The following PRMT2 variants were observed in gnomAD, a reference collection of about 807,000 sequenced individuals.
PRMT2 encodes the protein protein arginine methyltransferase 2.
A neutral mutation model predicts 57.6 loss-of-function variants in PRMT2; 26 were observed. That is an observed-to-expected ratio of 0.45 (90% CI 0.33 to 0.63). The LOEUF (loss-of-function observed/expected upper bound fraction) is 0.63, where lower values mean the gene tolerates loss of function less well. Among genes scored for constraint, PRMT2 ranks in the 20% least tolerant of loss-of-function variants. The probability of loss-of-function intolerance (pLI) is 0.02; values close to 1 mark genes in which losing one functional copy is unlikely to be tolerated. For synonymous variants in PRMT2, 219 were observed against 220.0 expected (o/e 1.00, Z 0.04); for missense variants, 472 against 564.4 (o/e 0.84, Z 1.66).
chr21:46,658,603 A>C (rs968544189), intron 7 of PRMT2, 142 bp from the exon 8 acceptor site: 21 of 1,424,702 alleles, frequency 1.5e-5, no homozygotes, highest in Non-Finnish European at 2.0e-5. Context: ...GTTCTCTTGC[A>C]TGGTACACTG....
intron 7 of PRMT2, chr21:46,651,664 G>A (rs1760656637): frequency 1.5e-5 from 14 of 924,580 alleles, no homozygotes; most frequent in Non-Finnish European, 2.1e-5. Context: ...GGCCAAGGAG[G>A]CCCAGAACAG....
intron 4 of PRMT2, 92 bp downstream of exon 4, chr21:46,643,731 T>A: frequency 7.0e-7 from 1 of 1,436,582 alleles, no homozygotes; most frequent in South Asian, 1.4e-5. Context: ...CAAAGTTAAA[T>A]GAAGAGGTAT....
At chr21:46,655,738 A>G (rs958219728) in intron 7 of PRMT2, among the ~76,000 whole-genome samples, 1 of 152,238 alleles carries the variant, frequency 6.6e-6, no homozygotes, top group Non-Finnish European at 1.5e-5. Context: ...AAAATATGAA[A>G]GGCTTAGAAA....
At chr21:46,643,394 G>C in intron 3 of PRMT2, 141 bp from the exon 4 acceptor site, 1 of 1,272,082 alleles carries the variant, frequency 7.9e-7, no homozygotes, top group South Asian at 2.8e-5. Flanking sequence ...TAGTAGTAAA[G>C]ATGATCCAAA....
At chr21:46,643,300 C>T (rs970544865) in intron 3 of PRMT2, 2 of 727,304 alleles carry the variant, frequency 2.7e-6, no homozygotes, top group Admixed American at 4.7e-5. Flanking sequence ...TTTCTGACTT[C>T]TTGCTTTGAT....
At chr21:46,661,594 A>G (rs996592022) in intron 9 of PRMT2, 12 of 410,508 alleles carry the variant, frequency 2.9e-5, no homozygotes, top group African/African-American at 2.1e-4. Flanking sequence ...ATTGGGCGCA[A>G]GAAGCTCAGA....
At position 46,663,425 on chromosome 21, in the gene PRMT2, A is replaced by G; in HGVS notation, c.1140A>G (p.Pro380=). The G allele has an allele frequency of 1.2e-6, 2 of 1,614,168 alleles. No homozygotes were observed. Among genetic ancestry groups the G allele is most frequent in the Non-Finnish European group, 1.7e-6 (2 of 1,180,000 alleles). The change falls in exon 11 of 12, where the codon CCA becomes CCG. Residue 380 remains proline (P), a synonymous_variant. Transcript: ENST00000355680. ...AGACGCTGTTCATGATGGACGACCCAGTCCCTGTCCATACAGGAGACGTGG... is the reference window on the plus strand; with the variant it reads ...AGACGCTGTTCATGATGGACGACCCGGTCCCTGTCCATACAGGAGACGTGG... ...WKQTLFMMDD[P]VPVHTGDVVT...
rs761790928 is a variant in PRMT2 at position 46,664,422 on chromosome 21, A to G, written c.*95A>G. The stretch of plus-strand genomic sequence containing the variant: ...CACCTGGCTTCTGCACACTCCTGCG[A>G]AAGTCGGTGAACATTCACTCCACAT... On this transcript the variant is annotated 3_prime_UTR_variant, in exon 12 of 12. Coordinates refer to ENST00000355680, the MANE Select transcript of PRMT2 (RefSeq NM_206962.4). The G allele has an allele frequency of 2.0e-6, 3 of 1,483,780 alleles. No individual in the cohort carries two copies. The highest frequency in any genetic ancestry group is 1.7e-5 in the Admixed American group (1 of 59,498). The allele number at this position is 1,483,780 out of a possible 1,614,324, so 91.9% of individuals were successfully genotyped here.
intron 7 of PRMT2, 187 bp from the exon 8 acceptor site, chr21:46,658,558 C>A: frequency 2.0e-6 from 2 of 1,006,378 alleles, no homozygotes; most frequent in Non-Finnish European, 2.8e-6. Context: ...TGAGATGCAT[C>A]AGTGACGTGT....
At chr21:46,639,814 T>C (rs2061240350) in intron 3 of PRMT2, among the ~76,000 whole-genome samples, 1 of 152,146 alleles carries the variant, frequency 6.6e-6, no homozygotes, top group African/African-American at 2.4e-5. Flanking sequence ...GTCTGTTTTT[T>C]TGTTTCTCTG....
At chr21:46,646,511 G>A (rs2061367421) in intron 5 of PRMT2, among the ~76,000 whole-genome samples, 2 of 152,166 alleles carry the variant, frequency 1.3e-5, no homozygotes, top group Admixed American at 6.5e-5. Context: ...CTCTTTTCAC[G>A]TAGCTGTAGT....
At chr21:46,651,614 C>T (rs1449402302) in intron 7 of PRMT2, among the ~76,000 whole-genome samples, 1 of 151,882 alleles carries the variant, frequency 6.6e-6, no homozygotes, top group Non-Finnish European at 1.5e-5. Flanking sequence ...CTTCAGACTC[C>T]CCCCCAGGGA....
intron 7 of PRMT2, chr21:46,655,026 A>G (rs573579228): frequency 5.4e-5 from 28 of 518,562 alleles, no homozygotes; most frequent in South Asian, 8.4e-5. Context: ...CATGAAATAG[A>G]TAACCTGAAT....
chr21:46,658,660 CT>C, intron 7 of PRMT2, 84 bp from the exon 8 acceptor site: 1 of 1,563,926 alleles, frequency 6.4e-7, no homozygotes, highest in Non-Finnish European at 8.7e-7. Context: ...AACTGTCAGA[CT>C]AGTGTTACGA....
chr21:46,660,808 CA>C (rs757718370), intron 8 of PRMT2, 24 bp from the exon 9 acceptor site: 1 of 1,612,086 alleles, frequency 6.2e-7, no homozygotes, highest in Non-Finnish European at 8.5e-7. Context: ...TGACTCTCAA[CA>C]GTCGCTTTGA....
chr21:46,642,459 G>A (rs1421541306), intron 3 of PRMT2, among the ~76,000 whole-genome samples: 1 of 152,160 alleles, frequency 6.6e-6, no homozygotes, highest in Non-Finnish European at 1.5e-5. Flanking sequence ...CTTATGTTAC[G>A]TGTCCACTTT....
intron 3 of PRMT2, among the ~76,000 whole-genome samples, chr21:46,641,817 G>A (rs556560443): frequency 1.2e-4 from 18 of 152,028 alleles, no homozygotes; most frequent in Non-Finnish European, 2.2e-4. Context: ...ACACCGGGGG[G>A]TTAGTAAGGG....
Position 46,660,813 on chromosome 21 carries a change from G to A in PRMT2, c.831-20G>A, listed in dbSNP as rs970833491. ...ATGTTTGCAATGACTCTCAACAGTCGCTTTGACCTTTTCCCCTAGATCTTT... is the reference window on the plus strand; with the variant it reads ...ATGTTTGCAATGACTCTCAACAGTCACTTTGACCTTTTCCCCTAGATCTTT... On this transcript the variant is annotated intron_variant, in intron 8 of 11. Coordinates refer to ENST00000355680, the MANE Select transcript of PRMT2 (RefSeq NM_206962.4). The A allele has an allele frequency of 1.2e-6, 2 of 1,612,652 alleles. No homozygotes were observed. The highest frequency in any genetic ancestry group is 1.7e-6 in the Non-Finnish European group (2 of 1,179,498).
chr21:46,663,719 A>G (rs1422850966), intron 11 of PRMT2, among the ~76,000 whole-genome samples, 165 bp downstream of exon 11: 1 of 152,078 alleles, frequency 6.6e-6, no homozygotes, highest in African/African-American at 2.4e-5. Context: ...CATTGGCTTC[A>G]TTTCCCATCT....
Sources: allele counts gnomAD v4.1 joint callset (sites outside exome capture counted in the v4.1 genomes callset), GRCh38; gene constraint gnomAD v4.1.1; transcripts MANE v1.5; gene names NCBI Gene and HGNC (gene_info 2026-07-23, HGNC 2026-07-21).